GSTT4: variants seen among roughly 807,000 people sequenced by gnomAD.
The protein encoded by GSTT4 is glutathione S-transferase theta 4, also known as glutathione S-transferase theta-4.
At position 23,998,447 on chromosome 22, in the gene GSTT4, T is replaced by G. The variant is rs2034145829; in HGVS notation, c.*95A>C. The G allele has an allele frequency of 3.8e-5, 1 of 26,372 alleles. No homozygotes were observed. Among genetic ancestry groups the G allele is most frequent in the African/African-American group, 1.7e-4 (1 of 5,862 alleles). The allele number at this position is 26,372 out of a possible 1,614,324, so 1.6% of individuals were successfully genotyped here. A position where few individuals can be genotyped will look rare whatever the true frequency, so the allele number is the denominator to read the frequency against. On this transcript the variant is annotated 3_prime_UTR_variant, in exon 5 of 5. Transcript: ENST00000621179. ...ATTAGGCAAAGAACAGTTGTTTTTT[T>G]GTTTTTTTGTTTTTTTTTTTTTAAC...
At chr22:23,996,549 A>T (rs2146223124), downstream of GSTT4, among the ~76,000 whole-genome samples, 1 of 152,258 alleles carries the variant, frequency 6.6e-6, no homozygotes, top group East Asian at 1.9e-4. Flanking sequence ...GAGTAATTTT[A>T]TCGTAAAAGG....
At chr22:24,002,495 C>T (rs2034253926) in intron 2 of GSTT4, among the ~76,000 whole-genome samples, 1 of 152,352 alleles carries the variant, frequency 6.6e-6, no homozygotes, top group Non-Finnish European at 1.5e-5. Flanking sequence ...AGAGAGCTAT[C>T]GGTTAAAAAG....
At chr22:24,002,278 G>A (rs1333648227) in intron 2 of GSTT4, among the ~76,000 whole-genome samples, 1 of 152,260 alleles carries the variant, frequency 6.6e-6, no homozygotes, top group Non-Finnish European at 1.5e-5. Context: ...TGGACAATGA[G>A]GGGGCCAGCA....
chr22:24,000,998 G>C (rs2034218254), intron 3 of GSTT4, among the ~76,000 whole-genome samples, 177 bp downstream of exon 3: 1 of 104,314 alleles, frequency 9.6e-6, no homozygotes, highest in Non-Finnish European at 1.9e-5. Flanking sequence ...CATTGTTTCA[G>C]TCCACACTCC....
At chr22:23,993,246 A>C in the GSTT4 span, among the ~76,000 whole-genome samples, 41 of 152,110 alleles carry the variant, frequency 2.7e-4, no homozygotes, top group Non-Finnish European at 5.6e-4. Flanking sequence ...CTTGTTTTTT[A>C]GAGACGAGGT....
chr22:23,993,932 C>T (rs1291072354), downstream of GSTT4, among the ~76,000 whole-genome samples: 1 of 152,176 alleles, frequency 6.6e-6, no homozygotes, highest in Non-Finnish European at 1.5e-5. Flanking sequence ...TCCTCCCTTC[C>T]CCCAATATGG....
At chr22:23,990,448 C>A in the GSTT4 span, among the ~76,000 whole-genome samples, 25 of 21,710 alleles carry the variant, frequency 1.2e-3, no homozygotes, top group African/African-American at 7.9e-3. Flanking sequence ...CGCGTCTACA[C>A]ACACCAAAAA....
chr22:24,000,359 G>C (rs2034203067), intron 3 of GSTT4, 108 bp from the exon 4 acceptor site: 1 of 150,660 alleles, frequency 6.6e-6, no homozygotes, highest in African/African-American at 2.5e-5. Context: ...ACACTTCCCA[G>C]GATATAAAGC....
chr22:23,992,895 C>A, the GSTT4 span, among the ~76,000 whole-genome samples: 1 of 151,914 alleles, frequency 6.6e-6, no homozygotes, highest in Non-Finnish European at 1.5e-5. Flanking sequence ...CTGCCTTACC[C>A]TCCCATGTAG....
intron 2 of GSTT4, among the ~76,000 whole-genome samples, chr22:24,003,046 G>A (rs1368646796): frequency 6.6e-6 from 1 of 152,226 alleles, no homozygotes; most frequent in African/African-American, 2.4e-5. Context: ...AGAGTTCACT[G>A]CAGTTCTGAA....
chr22:23,993,386 C>A, the GSTT4 span, among the ~76,000 whole-genome samples: 1 of 152,298 alleles, frequency 6.6e-6, no homozygotes, highest in Non-Finnish European at 1.5e-5. Context: ...ATTAGATCAG[C>A]AGCAGTAGCA....
chr22:23,996,478 T>C (rs1192303690), downstream of GSTT4, among the ~76,000 whole-genome samples: 1 of 152,170 alleles, frequency 6.6e-6, no homozygotes, highest in African/African-American at 2.4e-5. Flanking sequence ...GTGTTAGTTA[T>C]AGGTTTTTCA....
At chr22:23,995,902 A>G (rs1202636433), downstream of GSTT4, among the ~76,000 whole-genome samples, 1 of 152,106 alleles carries the variant, frequency 6.6e-6, no homozygotes, top group African/African-American at 2.4e-5. Flanking sequence ...AATGTATACT[A>G]TTGATTTTTG....
intron 2 of GSTT4, among the ~76,000 whole-genome samples, chr22:24,001,574 C>T (rs1316936937): frequency 6.6e-6 from 1 of 152,376 alleles, no homozygotes; most frequent in African/African-American, 2.4e-5. Flanking sequence ...GGGAACAACA[C>T]GTGTTGAATT....
downstream of GSTT4, among the ~76,000 whole-genome samples, chr22:23,995,155 T>C (rs934691032): frequency 2.0e-5 from 3 of 148,338 alleles, no homozygotes; most frequent in Admixed American, 2.0e-4. Flanking sequence ...TTTTTTTGAG[T>C]CAGAGTATCG....
intron 3 of GSTT4, among the ~76,000 whole-genome samples, chr22:24,000,555 C>A (rs1394263046): frequency 8.7e-6 from 1 of 114,708 alleles, no homozygotes; most frequent in African/African-American, 5.0e-5. Context: ...ATAGGCCATA[C>A]TCTTTTTTGT....
intron 3 of GSTT4, among the ~76,000 whole-genome samples, chr22:24,000,879 G>A (rs1159046071): frequency 2.7e-5 from 3 of 111,118 alleles, no homozygotes; most frequent in South Asian, 3.3e-4. Context: ...GCCTTTTGAC[G>A]CTGAGATTCT....
At chr22:23,992,771 T>TCTCTTCCCCTGGG in the GSTT4 span, among the ~76,000 whole-genome samples, 1 of 90,760 alleles carries the variant, frequency 1.1e-5, no homozygotes, top group African/African-American at 4.3e-5. Flanking sequence ...CTTCCCCTGG[T>TCTCTTCCCCTGGG]CTCTACTATT....
At chr22:23,994,976 A>G (rs2034101440), downstream of GSTT4, among the ~76,000 whole-genome samples, 1 of 152,166 alleles carries the variant, frequency 6.6e-6, no homozygotes, top group Non-Finnish European at 1.5e-5. Flanking sequence ...CATGTTAGTT[A>G]TCAGATAGAT....
Sources: allele counts gnomAD v4.1 joint callset (sites outside exome capture counted in the v4.1 genomes callset), GRCh38; gene constraint gnomAD v4.1.1; transcripts MANE v1.5; gene names NCBI Gene and HGNC (gene_info 2026-07-23, HGNC 2026-07-21).